Variants in CELF1 observed in about 807,000 individuals in gnomAD.
The protein encoded by CELF1 is CUGBP Elav-like family member 1.
A neutral mutation model predicts 61.8 loss-of-function variants in CELF1; 10 were observed. The observed-to-expected ratio is 0.16, with a 90% CI of 0.10 to 0.27. The LOEUF is 0.27. Ranked by LOEUF, CELF1 falls within the 10% of genes least tolerant of loss-of-function variation. The pLI, the probability that CELF1 is intolerant of heterozygous loss-of-function variation, is 1.00. For missense variants in CELF1, 380 were observed against 639.1 expected (o/e 0.59, Z 4.37); for synonymous variants, 236 against 225.1 (o/e 1.05, Z -0.43).
At chr11:47,491,564 C>G (rs1276283382) in intron 3 of CELF1, among the ~76,000 whole-genome samples, 4 of 152,188 alleles carry the variant, frequency 2.6e-5, no homozygotes, top group African/African-American at 9.7e-5. Context: ...GAATATAGAC[C>G]AATTCCTAAC....
chr11:47,475,836 AAAG>A (rs1383438567), intron 12 of CELF1, among the ~76,000 whole-genome samples: 13 of 152,160 alleles, frequency 8.5e-5, no homozygotes, highest in African/African-American at 2.7e-4. Context: ...GAATGTCATA[AAAG>A]AAGAGGCCCA....
chr11:47,540,849 GA>G (rs1221703564), intron 1 of CELF1, among the ~76,000 whole-genome samples: 3 of 151,856 alleles, frequency 2.0e-5, no homozygotes, highest in Admixed American at 1.3e-4. Flanking sequence ...CGCGCCACTG[GA>G]CTCCAGCCTG....
In CELF1 at chr11:47,480,089, CT is replaced by C. The variant is rs972385893; in HGVS notation, c.769-1138del. On this transcript the variant is annotated intron_variant, in intron 9 of 14. Transcript: ENST00000687097. ...CAGTCCACTAGCACCCACGTCTACA[CT>C]TTTTTTTTTTTTTTTTTGAGACGGA... 9.0e-3 allele frequency among the ~76,000 whole-genome samples: 1,258 copies of C among 139,144 alleles called. 11 individuals are homozygous for C. The highest frequency in any genetic ancestry group is 0.021 in the African/African-American group (808 of 37,612). The allele number at this position is 139,144 out of a possible 152,430, so 91.3% of individuals were successfully genotyped here.
chr11:47,515,633 T>C (rs1280464620), intron 1 of CELF1, among the ~76,000 whole-genome samples: 3 of 152,228 alleles, frequency 2.0e-5, no homozygotes, highest in Non-Finnish European at 4.4e-5. Flanking sequence ...AAAATCACCT[T>C]ATAATCTTGA....
At chr11:47,537,157 C>G (rs1399086036) in intron 1 of CELF1, among the ~76,000 whole-genome samples, 1 of 152,000 alleles carries the variant, frequency 6.6e-6, no homozygotes, top group Non-Finnish European at 1.5e-5. Context: ...GAGCCAAAAT[C>G]AGAGTTGTCT....
chr11:47,541,150 T>C lies in CELF1; in HGVS notation c.-154+11842A>G, dbSNP rs139919963. 6.5e-4 allele frequency among the ~76,000 whole-genome samples: 99 copies of C among 152,274 alleles called. 1 individual carries two copies. The highest frequency in any genetic ancestry group is 2.3e-3 in the African/African-American group (97 of 41,562). On this transcript the variant is annotated intron_variant, in intron 1 of 14. Transcript: ENST00000687097. ...ACTGGAAAAAGCGTACAGCAAATTA[T>C]CTGTACAAAACAGAAATTAACAAAA...
At position 47,468,322 on chromosome 11, in the gene CELF1, CAAAA is replaced by C. The variant is rs953383058; in HGVS notation, c.*3904_*3907del. The C allele has an allele frequency of 2.0e-5, 3 of 152,138 alleles. No individual in the cohort carries two copies. Among genetic ancestry groups the C allele is most frequent in the African/African-American group, 4.8e-5 (2 of 41,410 alleles). 9.4% of individuals were successfully genotyped at this position (152,138 alleles called of 1,614,324 possible). The stretch of plus-strand genomic sequence containing the variant: ...CGCAGTTGAGAACTCAGAAGAAAAA[CAAAA>C]GAAAGAACAATACATGCGGTCTCCT... On this transcript the variant is annotated 3_prime_UTR_variant, in exon 15 of 15. Coordinates refer to ENST00000687097, the MANE Select transcript of CELF1 (RefSeq NM_001376376.1).
chr11:47,502,239 C>G (rs1213143383), intron 1 of CELF1, among the ~76,000 whole-genome samples: 1 of 152,114 alleles, frequency 6.6e-6, no homozygotes, highest in Admixed American at 6.6e-5. Flanking sequence ...ATTTATAAAG[C>G]AACACCGCTT....
intron 9 of CELF1, among the ~76,000 whole-genome samples, chr11:47,480,734 A>AT (rs1232917049): frequency 6.6e-6 from 1 of 152,146 alleles, no homozygotes; most frequent in African/African-American, 2.4e-5. Context: ...CTAAGAAACA[A>AT]TTTTTTCTGT....
chr11:47,508,981 C>T (rs993851684), intron 1 of CELF1, among the ~76,000 whole-genome samples: 2 of 152,134 alleles, frequency 1.3e-5, no homozygotes, highest in South Asian at 2.1e-4. Context: ...GTTGGTCAGG[C>T]TAGTCTCGAA....
At chr11:47,561,685 G>A (rs1261040658) in intron 2 of CELF1, among the ~76,000 whole-genome samples, 1 of 152,066 alleles carries the variant, frequency 6.6e-6, no homozygotes, top group East Asian at 1.9e-4. Context: ...ATATACAAGA[G>A]AAATGAAAAC....
intron 13 of CELF1, among the ~76,000 whole-genome samples, 194 bp downstream of exon 13, chr11:47,475,142 T>G (rs555264274): frequency 6.6e-6 from 1 of 152,322 alleles, no homozygotes; most frequent in East Asian, 1.9e-4. Flanking sequence ...AGGTTCTGAT[T>G]TGAGCCACAT....
chr11:47,484,317 CAA>C (rs372677901), intron 7 of CELF1, 70 bp downstream of exon 7: 1,244 of 1,255,690 alleles, frequency 9.9e-4, no homozygotes, highest in Admixed American at 2.0e-3. Context: ...ACCTTGTCTC[CAA>C]AAAAAAAAAA....
At chr11:47,481,569 C>G (rs2083270710) in intron 9 of CELF1, among the ~76,000 whole-genome samples, 1 of 152,160 alleles carries the variant, frequency 6.6e-6, no homozygotes, top group Non-Finnish European at 1.5e-5. Flanking sequence ...GAATAAATGA[C>G]TATACTAGCT....
At chr11:47,563,360 C>CGG (rs2097232778) in intron 2 of CELF1, among the ~76,000 whole-genome samples, 1 of 152,212 alleles carries the variant, frequency 6.6e-6, no homozygotes, top group Non-Finnish European at 1.5e-5. Flanking sequence ...TCTGCTAATT[C>CGG]ATAAGGGGCT....
At chr11:47,521,879 T>C (rs1031186277) in intron 1 of CELF1, among the ~76,000 whole-genome samples, 3 of 152,180 alleles carry the variant, frequency 2.0e-5, no homozygotes, top group Non-Finnish European at 4.4e-5. Context: ...ACATAGTGTG[T>C]AGTTTCACTT....
chr11:47,501,863 C>T (rs2153556160), intron 1 of CELF1, among the ~76,000 whole-genome samples: 1 of 152,220 alleles, frequency 6.6e-6, no homozygotes, highest in East Asian at 1.9e-4. Flanking sequence ...CAATAAATTT[C>T]AAGGAACTTA....
At chr11:47,542,554 G>A (rs1332803527) in intron 1 of CELF1, among the ~76,000 whole-genome samples, 1 of 144,406 alleles carries the variant, frequency 6.9e-6, no homozygotes, top group Non-Finnish European at 1.5e-5. Context: ...CTGGAGTGTA[G>A]TGGCGTGATC....
At chr11:47,494,940 A>AG in intron 3 of CELF1, among the ~76,000 whole-genome samples, 1 of 152,362 alleles carries the variant, frequency 6.6e-6, no homozygotes, top group East Asian at 1.9e-4. Flanking sequence ...TTGTAAAGAC[A>AG]GGGGTCTTGC....
Sources: gnomAD v4.1 joint callset for allele counts (sites outside exome capture counted in the v4.1 genomes callset) on GRCh38, gnomAD v4.1.1 for gene constraint, MANE v1.5 for transcripts, NCBI Gene and HGNC (gene_info 2026-07-23, HGNC 2026-07-21) for gene names.